CNGA1: variants seen among roughly 807,000 people sequenced by gnomAD.
CNGA1 encodes cyclic nucleotide-gated channel alpha-1.
Under a neutral mutation model 69.7 loss-of-function variants are expected in CNGA1, and 53 were observed. That is an observed-to-expected ratio of 0.76 (90% CI 0.61 to 0.96). The LOEUF (loss-of-function observed/expected upper bound fraction) is 0.96. Ranked by LOEUF, CNGA1 falls within the 40% of genes least tolerant of loss-of-function variation. The pLI is 0.00. For missense variants in CNGA1, 739 were observed against 811.2 expected (o/e 0.91, Z 1.08); for synonymous variants, 249 against 283.5 (o/e 0.88, Z 1.22).
intron 9 of CNGA1, among the ~76,000 whole-genome samples, chr4:47,941,476 A>G (rs1183523781): frequency 2.0e-5 from 3 of 152,254 alleles, no homozygotes; most frequent in African/African-American, 7.2e-5. Flanking sequence ...TCTAAAAGAC[A>G]TTAAATCCTT....
chr4:48,000,678 A>AT (rs1202018576), intron 2 of CNGA1, among the ~76,000 whole-genome samples: 4 of 150,132 alleles, frequency 2.7e-5, no homozygotes, highest in African/African-American at 9.7e-5. Flanking sequence ...ACAATAAGTG[A>AT]TTTTTTAAAA....
At chr4:47,988,196 T>C (rs1045791515) in intron 2 of CNGA1, among the ~76,000 whole-genome samples, 16 of 152,120 alleles carry the variant, frequency 1.1e-4, no homozygotes, top group Admixed American at 7.9e-4. Flanking sequence ...TAGATTTTCT[T>C]ACTTAAAGCT....
chr4:47,978,239 C>G (rs1327213514), intron 3 of CNGA1, among the ~76,000 whole-genome samples: 1 of 152,144 alleles, frequency 6.6e-6, no homozygotes, highest in Admixed American at 6.5e-5. Flanking sequence ...TAAAAATAAA[C>G]TCTCACAACG....
chr4:47,978,803 T>C (rs1206108006), intron 3 of CNGA1, among the ~76,000 whole-genome samples: 2 of 152,238 alleles, frequency 1.3e-5, no homozygotes, highest in Non-Finnish European at 1.5e-5. Context: ...TAATTTCAGA[T>C]AAATTTTTCT....
intron 2 of CNGA1, among the ~76,000 whole-genome samples, chr4:47,991,898 T>G (rs62300274): frequency 0.53 from 79,892 of 151,996 alleles, 23,032 homozygotes; most frequent in Non-Finnish European, 0.64. Context: ...TAGCCAATTA[T>G]CCAAGCACCA....
intron 3 of CNGA1, among the ~76,000 whole-genome samples, chr4:47,971,611 G>A (rs962448456): frequency 6.6e-5 from 10 of 152,040 alleles, no homozygotes; most frequent in Non-Finnish European, 1.3e-4. Flanking sequence ...AAAAACCGTG[G>A]CCAGGCACGG....
intron 10 of CNGA1, among the ~76,000 whole-genome samples, chr4:47,940,248 A>T (rs934805296): frequency 5.9e-5 from 9 of 152,366 alleles, no homozygotes; most frequent in Admixed American, 5.9e-4. Flanking sequence ...TTACATTTGC[A>T]TGTGAGAGTG....
intron 3 of CNGA1, among the ~76,000 whole-genome samples, chr4:47,966,212 G>A (rs182326156): frequency 5.1e-4 from 77 of 152,328 alleles, no homozygotes; most frequent in Admixed American, 1.5e-3. Context: ...TTGAAGTCAT[G>A]CTCTAGCTTG....
chr4:47,946,546 A>G (rs1333329104), intron 6 of CNGA1, among the ~76,000 whole-genome samples: 1 of 152,232 alleles, frequency 6.6e-6, no homozygotes, highest in Non-Finnish European at 1.5e-5. Context: ...GCACCACATT[A>G]GTCCACTATA....
At chr4:47,956,955 A>G (rs79648194) in intron 3 of CNGA1, among the ~76,000 whole-genome samples, 17,126 of 151,968 alleles carry the variant, frequency 0.11, 1,552 homozygotes, top group East Asian at 0.31. Context: ...TTATTTTTAG[A>G]CCGAGTCTTG....
At chr4:47,952,513 A>C (rs1739806649) in intron 4 of CNGA1, 70 bp downstream of exon 4, 1 of 1,527,034 alleles carries the variant, frequency 6.5e-7, no homozygotes, top group African/African-American at 1.4e-5. Context: ...AGCTAAATTG[A>C]AATTAAATCT....
Position 47,949,870 on chromosome 4 carries a change from C to A in CNGA1, c.250G>T (p.Ala84Ser), listed in dbSNP as rs1238418426. The A allele has an allele frequency of 5.0e-6, 8 of 1,613,970 alleles. No individual in the cohort carries two copies. Among genetic ancestry groups the A allele is most frequent in the Non-Finnish European group, 6.8e-6 (8 of 1,179,946 alleles). The change falls in exon 6 of 11, where the codon GCA (alanine) becomes TCA (serine). Residue 84 changes from alanine to serine, a missense_variant. Physicochemically the swap from Ala to Ser is moderately conservative, Grantham distance 99. Transcript: ENST00000514170. ...QREQYLPGAI[A>S]LFNVNNSSNK... ...CTGCTGTTGTTCACATTAAAAAGTGCAATGGCACCAGGCAGGTACTGCTCC... is the reference window on the plus strand; with the variant it reads ...CTGCTGTTGTTCACATTAAAAAGTGAAATGGCACCAGGCAGGTACTGCTCC...
At position 47,952,700 on chromosome 4, in the gene CNGA1, A is replaced by T. The variant is rs777028302; in HGVS notation, c.-11T>A. On this transcript the variant is annotated 5_prime_UTR_variant, in exon 4 of 11. An upstream start codon of the reference 5' UTR is lost. Transcript: ENST00000514170. The stretch of plus-strand genomic sequence containing the variant: ...AATATTGTTCTTCATGGATAGTTTC[A>T]TATCTGAGGAGAAAGAAGTCTTATT... 1 of 1,573,366 alleles carries T rather than the reference A, an allele frequency of 6.4e-7. No individual in the cohort carries two copies. The highest frequency in any genetic ancestry group is 1.8e-5 in the Admixed American group (1 of 55,944).
At chr4:47,991,256 C>A (rs1300281440) in intron 2 of CNGA1, among the ~76,000 whole-genome samples, 1 of 152,250 alleles carries the variant, frequency 6.6e-6, no homozygotes, top group South Asian at 2.1e-4. Flanking sequence ...AGTGATTGCA[C>A]TAATTTACAT....
chr4:47,971,721 C>T (rs1488083403), intron 3 of CNGA1, among the ~76,000 whole-genome samples: 2 of 152,076 alleles, frequency 1.3e-5, no homozygotes, highest in Non-Finnish European at 2.9e-5. Flanking sequence ...TGGTGAAATC[C>T]CGTCTCTACT....
intron 1 of CNGA1, among the ~76,000 whole-genome samples, chr4:48,013,321 A>G (rs537347943): frequency 3.9e-4 from 60 of 152,358 alleles, no homozygotes; most frequent in Non-Finnish European, 2.9e-5. Flanking sequence ...TATTTTGCCA[A>G]GGTTGATAAC....
rs757637308 is a variant in CNGA1, at chr4:47,937,458, C to G, written c.1024G>C (p.Ala342Pro). ...DINDPEFGRL[A>P]RKYVYSLYWS... ...TAAAGGCTGTATACGTATTTTCTAG[C>G]CAAACGGCCAAATTCAGGATCATTA... The change falls in exon 11 of 11, where the codon GCT becomes CCT. Residue 342 changes from alanine to proline, a missense_variant. Coordinates refer to ENST00000514170, the MANE Select transcript of CNGA1 (RefSeq NM_001379270.1). The G allele has an allele frequency of 6.2e-7, 1 of 1,614,106 alleles. No homozygotes were observed. The highest frequency in any genetic ancestry group is 8.5e-7 in the Non-Finnish European group (1 of 1,180,002).
At chr4:47,994,517 T>C (rs1025474352) in intron 2 of CNGA1, among the ~76,000 whole-genome samples, 4 of 152,200 alleles carry the variant, frequency 2.6e-5, no homozygotes, top group African/African-American at 7.2e-5. Context: ...TCATTTTGCA[T>C]GAAACGTCTT....
At chr4:47,952,333 G>A (rs182439519) in intron 4 of CNGA1, among the ~76,000 whole-genome samples, 17 of 151,700 alleles carry the variant, frequency 1.1e-4, no homozygotes, top group Admixed American at 6.6e-4. Context: ...GTGCCACTGC[G>A]TTCCAGCCTG....
Sources: allele counts gnomAD v4.1 joint callset (sites outside exome capture counted in the v4.1 genomes callset), GRCh38; gene constraint gnomAD v4.1.1; transcripts MANE v1.5; gene names NCBI Gene and HGNC (gene_info 2026-07-23, HGNC 2026-07-21).